Variants in LRRTM4 observed in about 807,000 individuals in gnomAD.
The protein encoded by LRRTM4 is leucine rich repeat transmembrane neuronal 4, also known as leucine-rich repeat transmembrane neuronal protein 4.
LRRTM4 carries 25 observed loss-of-function variants against 47.6 expected under a neutral mutation model. That is an observed-to-expected ratio of 0.53 (90% CI 0.38 to 0.73). LRRTM4 has a LOEUF of 0.73. Among genes scored for constraint, LRRTM4 ranks in the 30% least tolerant of loss-of-function variants. The pLI, the probability that LRRTM4 is intolerant of heterozygous loss-of-function variation, is 0.00. For synonymous variants in LRRTM4, 311 were observed against 269.5 expected, an observed-to-expected ratio of 1.15 and a Z score of -1.51; for missense variants, 638 against 713.4, an observed-to-expected ratio of 0.89 and a Z score of 1.20.
At chr2:77,142,950 T>C (rs1672163914) in intron 3 of LRRTM4, among the ~76,000 whole-genome samples, 1 of 152,076 alleles carries the variant, frequency 6.6e-6, no homozygotes, top group South Asian at 2.1e-4. Context: ...GTTCAGGGAG[T>C]TGTGCTTCGT....
chr2:76,821,009 A>G (rs1325191559), intron 3 of LRRTM4, among the ~76,000 whole-genome samples: 1 of 151,744 alleles, frequency 6.6e-6, no homozygotes, highest in Non-Finnish European at 1.5e-5. Context: ...ATGTAAAATT[A>G]TGAGTTATTT....
chr2:76,944,612 A>G (rs145453310), intron 3 of LRRTM4, among the ~76,000 whole-genome samples: 3 of 152,194 alleles, frequency 2.0e-5, no homozygotes, highest in African/African-American at 7.2e-5. Context: ...ATCTATAGAG[A>G]GAAATTACTG....
intron 3 of LRRTM4, among the ~76,000 whole-genome samples, chr2:76,910,280 G>T (rs1315165600): frequency 7.4e-5 from 11 of 149,546 alleles, no homozygotes; most frequent in Non-Finnish European, 8.9e-5. Flanking sequence ...CTCACTCATA[G>T]GTGGGAATTG....
intron 3 of LRRTM4, among the ~76,000 whole-genome samples, chr2:77,217,513 T>G (rs908105331): frequency 7.0e-6 from 1 of 142,416 alleles, no homozygotes; most frequent in African/African-American, 2.6e-5. Context: ...TAATATAAAT[T>G]GTGTTTGTAG....
In LRRTM4 at chr2:77,134,456, A is replaced by G. The variant is rs566750640; in HGVS notation, c.1551+383862T>C. ...ACTTTATATTAGCAACAAGAAGTTC[A>G]GGATTCTGGAGATAATTATTTTAAA... On this transcript the variant is annotated intron_variant, in intron 3 of 3. Coordinates refer to ENST00000409884, the MANE Select transcript of LRRTM4 (RefSeq NM_001134745.3). 8.7e-4 allele frequency among the ~76,000 whole-genome samples: 132 copies of G among 152,306 alleles called. 1 individual carries two copies. In the Middle Eastern group the frequency reaches 0.01, roughly 12 times the overall value.
chr2:76,917,327 AT>A (rs1482073561), intron 3 of LRRTM4, among the ~76,000 whole-genome samples: 1 of 152,130 alleles, frequency 6.6e-6, no homozygotes, highest in Non-Finnish European at 1.5e-5. Flanking sequence ...ATCCTTTAAT[AT>A]TTTTTTAAAT....
intron 3 of LRRTM4, among the ~76,000 whole-genome samples, chr2:76,964,113 TAA>T (rs1211210368): frequency 2.0e-5 from 3 of 151,088 alleles, no homozygotes; most frequent in Admixed American, 6.6e-5. Flanking sequence ...AATTCTAAAA[TAA>T]AAATGAGCCT....
Position 76,852,705 on chromosome 2 carries a change from G to T in LRRTM4, c.1552-103789C>A, listed in dbSNP as rs1370319206. Among the ~76,000 whole-genome samples the T allele has an allele frequency of 2.6e-5, 4 of 152,170 alleles. No individual in the cohort carries two copies. The East Asian group carries it at 7.7e-4, about 29-fold the overall frequency. On this transcript the variant is annotated intron_variant, in intron 3 of 3. Coordinates refer to ENST00000409884, the MANE Select transcript of LRRTM4 (RefSeq NM_001134745.3). ...TCCTGAAATATGCAAATATGATAAG[G>T]CACTCTTAACTCTTTCAGAACTCAA...
chr2:76,919,159 A>G (rs1343756803), intron 3 of LRRTM4, among the ~76,000 whole-genome samples: 3 of 152,152 alleles, frequency 2.0e-5, no homozygotes, highest in Non-Finnish European at 4.4e-5. Flanking sequence ...CAGAGCCTTC[A>G]TGTGCAGGGA....
chr2:77,140,099 C>G (rs1376164600), intron 3 of LRRTM4, among the ~76,000 whole-genome samples: 2 of 152,030 alleles, frequency 1.3e-5, no homozygotes, highest in Non-Finnish European at 2.9e-5. Flanking sequence ...ACCAATGACT[C>G]TCTTTGCAGA....
intron 3 of LRRTM4, among the ~76,000 whole-genome samples, chr2:76,896,430 C>T (rs1385896152): frequency 1.3e-5 from 2 of 151,906 alleles, no homozygotes; most frequent in East Asian, 3.9e-4. Flanking sequence ...TGACCCTGAT[C>T]CAGAGTACTG....
intron 3 of LRRTM4, among the ~76,000 whole-genome samples, chr2:76,995,304 A>G (rs1015796899): frequency 1.8e-4 from 28 of 152,090 alleles, no homozygotes; most frequent in African/African-American, 6.8e-4. Flanking sequence ...TTCATGTTCA[A>G]GAGAAATATG....
chr2:77,433,791 C>A (rs1675479817), intron 3 of LRRTM4, among the ~76,000 whole-genome samples: 1 of 152,152 alleles, frequency 6.6e-6, no homozygotes, highest in Non-Finnish European at 1.5e-5. Flanking sequence ...CACTGGGATG[C>A]TGCAGAATGA....
chr2:77,475,173 C>A (rs4852433), intron 3 of LRRTM4, among the ~76,000 whole-genome samples: 45,631 of 151,934 alleles, frequency 0.3, 7,099 homozygotes, highest in East Asian at 0.55. Context: ...ACTAATATAC[C>A]AAGTGTGTTT....
chr2:77,150,994 A>T (rs1296662707), intron 3 of LRRTM4, among the ~76,000 whole-genome samples: 1 of 152,096 alleles, frequency 6.6e-6, no homozygotes, highest in Non-Finnish European at 1.5e-5. Flanking sequence ...TTTACTGAGA[A>T]ATAATTGGTA....
At chr2:76,754,470 A>G (rs1007964930) in intron 3 of LRRTM4, among the ~76,000 whole-genome samples, 1 of 152,178 alleles carries the variant, frequency 6.6e-6, no homozygotes, top group Non-Finnish European at 1.5e-5. Context: ...TATTAGGAAC[A>G]ACTGAACCTA....
intron 3 of LRRTM4, among the ~76,000 whole-genome samples, chr2:77,050,936 A>G (rs1043166283): frequency 1.3e-5 from 2 of 152,172 alleles, no homozygotes; most frequent in Non-Finnish European, 2.9e-5. Flanking sequence ...AGTAATCATG[A>G]CAATGTCTTA....
intron 3 of LRRTM4, among the ~76,000 whole-genome samples, chr2:76,957,027 T>C (rs1442700544): frequency 6.6e-6 from 1 of 151,678 alleles, no homozygotes; most frequent in East Asian, 1.9e-4. Flanking sequence ...TGTCCATCAA[T>C]GGATAAATGG....
At chr2:76,933,290 C>T (rs543746676) in intron 3 of LRRTM4, among the ~76,000 whole-genome samples, 1 of 152,086 alleles carries the variant, frequency 6.6e-6, no homozygotes, top group East Asian at 1.9e-4. Context: ...ATATGTTACC[C>T]CTTTCTACTA....
Sources: allele counts gnomAD v4.1 joint callset (sites outside exome capture counted in the v4.1 genomes callset), GRCh38; gene constraint gnomAD v4.1.1; transcripts MANE v1.5; gene names NCBI Gene and HGNC (gene_info 2026-07-23, HGNC 2026-07-21).